AUTS2: variants seen among roughly 807,000 people sequenced by gnomAD.
The protein encoded by AUTS2 is autism susceptibility gene 2 protein.
Under a neutral mutation model 112.4 loss-of-function variants are expected in AUTS2, and 17 were observed. The observed-to-expected ratio is 0.15, with a 90% CI of 0.10 to 0.23. The LOEUF (loss-of-function observed/expected upper bound fraction) is 0.23. AUTS2 is among the 10% of genes least tolerant of loss of function. AUTS2 has a pLI of 1.00. For missense variants in AUTS2, 1,510 were observed against 1,701.6 expected, an observed-to-expected ratio of 0.89 and a Z score of 1.98; for synonymous variants, 751 against 702.7, an observed-to-expected ratio of 1.07 and a Z score of -1.09.
chr7:70,685,274 A>G (rs907238692), intron 5 of AUTS2, among the ~76,000 whole-genome samples: 1 of 151,924 alleles, frequency 6.6e-6, no homozygotes, highest in African/African-American at 2.4e-5. Context: ...GGAGTTCGAG[A>G]CCAGCCTGGC....
chr7:70,566,319 G>A (rs946719738), intron 5 of AUTS2, among the ~76,000 whole-genome samples: 1 of 152,198 alleles, frequency 6.6e-6, no homozygotes, highest in Non-Finnish European at 1.5e-5. Flanking sequence ...GAAGATGGGA[G>A]AGGAAAGGTG....
At chr7:70,169,250 A>T (rs4395784) in intron 4 of AUTS2, among the ~76,000 whole-genome samples, 101,270 of 151,568 alleles carry the variant, frequency 0.67, 34,142 homozygotes, top group East Asian at 0.74. Context: ...ATATATATAT[A>T]TTTTTTTTGA....
At chr7:70,026,622 C>G (rs528476793) in intron 2 of AUTS2, among the ~76,000 whole-genome samples, 1 of 152,114 alleles carries the variant, frequency 6.6e-6, no homozygotes, top group African/African-American at 2.4e-5. Flanking sequence ...AGTTTTGTCT[C>G]GACAAGTTGG....
intron 1 of AUTS2, among the ~76,000 whole-genome samples, chr7:69,775,062 T>C (rs1258267901): frequency 6.6e-6 from 1 of 152,228 alleles, no homozygotes; most frequent in Non-Finnish European, 1.5e-5. Flanking sequence ...AATAATTTTT[T>C]GTATTTTTTT....
intron 4 of AUTS2, among the ~76,000 whole-genome samples, chr7:70,187,278 A>G (rs1251295226): frequency 6.6e-6 from 1 of 152,174 alleles, no homozygotes; most frequent in East Asian, 1.9e-4. Flanking sequence ...GGTGTTTAGG[A>G]TAAGTTTAAG....
intron 2 of AUTS2, among the ~76,000 whole-genome samples, chr7:70,117,384 C>CT (rs1408456828): frequency 6.6e-6 from 1 of 151,868 alleles, no homozygotes; most frequent in Non-Finnish European, 1.5e-5. Flanking sequence ...GAGAAGAAAA[C>CT]TTTATTTTAT....
intron 3 of AUTS2, among the ~76,000 whole-genome samples, chr7:70,129,111 T>C (rs1806132954): frequency 6.6e-6 from 1 of 152,128 alleles, no homozygotes; most frequent in Non-Finnish European, 1.5e-5. Context: ...TATGAGAAAT[T>C]GGCTCAGTTT....
At chr7:70,585,966 T>A (rs1274199801) in intron 5 of AUTS2, among the ~76,000 whole-genome samples, 1 of 152,024 alleles carries the variant, frequency 6.6e-6, no homozygotes, top group Non-Finnish European at 1.5e-5. Context: ...GGGTTCAAGC[T>A]ATTCTCCTGC....
intron 1 of AUTS2, among the ~76,000 whole-genome samples, chr7:69,611,851 A>AC (rs1399510793): frequency 1.4e-5 from 2 of 145,208 alleles, no homozygotes; most frequent in Non-Finnish European, 3.0e-5. Context: ...AATGGCGTGA[A>AC]CCCGGGAAGC....
intron 1 of AUTS2, among the ~76,000 whole-genome samples, chr7:69,849,452 A>G (rs918856364): frequency 6.6e-6 from 1 of 152,148 alleles, no homozygotes; most frequent in Non-Finnish European, 1.5e-5. Flanking sequence ...CAGTAAAAGC[A>G]CAGAACTGTT....
chr7:70,763,659 G>A (rs1789719243), intron 7 of AUTS2, among the ~76,000 whole-genome samples: 2 of 152,142 alleles, frequency 1.3e-5, no homozygotes, highest in African/African-American at 4.8e-5. Flanking sequence ...GAGGCAGGGA[G>A]TCGAAGCCTG....
intron 6 of AUTS2, among the ~76,000 whole-genome samples, chr7:70,703,156 G>T (rs554633737): frequency 1.3e-5 from 2 of 152,234 alleles, no homozygotes; most frequent in South Asian, 2.1e-4. Flanking sequence ...TGACAGAAAG[G>T]TAAGAGTTAT....
chr7:69,993,855 A>G (rs1475077058), intron 2 of AUTS2, among the ~76,000 whole-genome samples: 1 of 152,142 alleles, frequency 6.6e-6, no homozygotes, highest in Non-Finnish European at 1.5e-5. Context: ...TTGAAAGTCT[A>G]ATGCAGAATA....
At chr7:69,879,864 A>G (rs1447773598) in intron 1 of AUTS2, among the ~76,000 whole-genome samples, 1 of 152,106 alleles carries the variant, frequency 6.6e-6, no homozygotes, top group Non-Finnish European at 1.5e-5. Context: ...CAGTGGTGTG[A>G]TCATAGGTTG....
chr7:69,637,660 G>A (rs1238068085), intron 1 of AUTS2, among the ~76,000 whole-genome samples: 1 of 151,260 alleles, frequency 6.6e-6, no homozygotes, highest in Non-Finnish European at 1.5e-5. Context: ...CTATGAATAA[G>A]GACCAACCTA....
chr7:70,094,038 G>A (rs1804061561), intron 2 of AUTS2, among the ~76,000 whole-genome samples: 1 of 152,154 alleles, frequency 6.6e-6, no homozygotes, highest in Non-Finnish European at 1.5e-5. Context: ...AGCATGTATT[G>A]ACTCTCTTTG....
chr7:69,763,399 C>A (rs918822648), intron 1 of AUTS2, among the ~76,000 whole-genome samples: 2 of 152,164 alleles, frequency 1.3e-5, no homozygotes, highest in African/African-American at 2.4e-5. Flanking sequence ...AGTGACTAAA[C>A]TTGTAAGAAC....
chr7:69,774,765 A>G (rs1445530443), intron 1 of AUTS2, among the ~76,000 whole-genome samples: 2 of 152,208 alleles, frequency 1.3e-5, no homozygotes, highest in Admixed American at 1.3e-4. Flanking sequence ...TACTTCAGTA[A>G]AGTTGATTTA....
chr7:70,129,518 AC>A (rs1267653183), intron 3 of AUTS2, among the ~76,000 whole-genome samples: 1 of 152,220 alleles, frequency 6.6e-6, no homozygotes, highest in African/African-American at 2.4e-5. Context: ...AAAATTGACC[AC>A]CACAATCACA....
Sources: gnomAD v4.1 joint callset for allele counts (sites outside exome capture counted in the v4.1 genomes callset) on GRCh38, gnomAD v4.1.1 for gene constraint, MANE v1.5 for transcripts, NCBI Gene and HGNC (gene_info 2026-07-23, HGNC 2026-07-21) for gene names.